The following CACNA1H variants were observed in gnomAD, a reference collection of about 807,000 sequenced individuals.
CACNA1H encodes the protein calcium voltage-gated channel subunit alpha1 H.
Under a neutral mutation model 192.5 loss-of-function variants are expected in CACNA1H, and 149 were observed. The observed-to-expected ratio is 0.77, with a 90% CI of 0.68 to 0.89. The LOEUF (loss-of-function observed/expected upper bound fraction) is 0.89. Ranked by LOEUF, CACNA1H falls within the 40% of genes least tolerant of loss-of-function variation. CACNA1H has a pLI of 0.00. For missense variants in CACNA1H, 4,257 were observed against 3,423.5 expected (o/e 1.24, Z -6.08); for synonymous variants, 2,202 against 1,475.2 (o/e 1.49, Z -11.29).
chr16:1,161,997 G>A (rs1200906311), intron 2 of CACNA1H, among the ~76,000 whole-genome samples: 1 of 152,188 alleles, frequency 6.6e-6, no homozygotes, highest in Non-Finnish European at 1.5e-5. Flanking sequence ...AAGTGGACTG[G>A]CAGAGGTGGG....
At chr16:1,178,024 C>T (rs1334195086) in intron 2 of CACNA1H, among the ~76,000 whole-genome samples, 1 of 124,244 alleles carries the variant, frequency 8.0e-6, no homozygotes, top group African/African-American at 3.4e-5. Flanking sequence ...CACTCCCTCT[C>T]CCTGGGGACC....
chr16:1,219,909 G>A lies in CACNA1H; in HGVS notation c.6049-72G>A, dbSNP rs114708863. ...CTCTCCAGTACCTGGATGGTGAGGG[G>A]TCTCCGAGCCCTGGCCACTGACAGG... On this transcript the variant is annotated intron_variant, in intron 34 of 34. Transcript: ENST00000348261. The A allele has an allele frequency of 1.9e-3, 2,194 of 1,174,350 alleles. 44 individuals are homozygous for A. The African/African-American group carries it at 0.031, about 17-fold the overall frequency. 72.7% of individuals were successfully genotyped at this position (1,174,350 alleles called of 1,614,324 possible).
At chr16:1,210,728 G>T (rs543230622) in intron 20 of CACNA1H, 59 bp from the exon 21 acceptor site, 30 of 1,558,984 alleles carry the variant, frequency 1.9e-5, no homozygotes, top group Non-Finnish European at 2.5e-5. Context: ...CCAGCAGCGC[G>T]CCAGCTCCCC....
chr16:1,201,633 C>A, intron 8 of CACNA1H, 30 bp from the exon 9 acceptor site: 1 of 1,534,822 alleles, frequency 6.5e-7, no homozygotes, highest in East Asian at 2.4e-5. Context: ...CGCTCACTCA[C>A]TGCCACTTAC....
intron 26 of CACNA1H, among the ~76,000 whole-genome samples, chr16:1,213,139 G>C (rs1466915989): frequency 6.6e-6 from 1 of 152,250 alleles, no homozygotes; most frequent in African/African-American, 2.4e-5. Context: ...AGATGGTCTG[G>C]AGTCCGGCAG....
Position 1,204,345 on chromosome 16 carries a change from G to A in CACNA1H, c.2338G>A (p.Val780Ile). 1.3e-6 allele frequency: 2 copies of A among 1,584,934 alleles called. No homozygotes were observed. The highest frequency in any genetic ancestry group is 1.7e-6 in the Non-Finnish European group (2 of 1,165,226). Residue 780 changes from valine (V) to isoleucine (I), a missense_variant, in exon 10 of 35, where the codon GTT becomes ATT. Transcript: ENST00000348261. ...GCCAGGCTGGATGGGCCGCCTCTGG[G>A]TTACCTTCAGCGGCAAGCTGCGCCG... ...GEPGWMGRLW[V>I]TFSGKLRRIV...
At chr16:1,201,432 A>G (rs1171224323) in intron 8 of CACNA1H, among the ~76,000 whole-genome samples, 1 of 152,158 alleles carries the variant, frequency 6.6e-6, no homozygotes, top group African/African-American at 2.4e-5. Flanking sequence ...GAAGCAGGAA[A>G]GAGGGTTCCA....
chr16:1,187,702 C>A (rs1966210737), intron 2 of CACNA1H, among the ~76,000 whole-genome samples: 1 of 152,196 alleles, frequency 6.6e-6, no homozygotes, highest in South Asian at 2.1e-4. Flanking sequence ...TTGGGGGCCA[C>A]TCTGACCATA....
rs114181507 is a variant in CACNA1H at position 1,203,714 on chromosome 16, C to T, written c.2003-296C>T. On this transcript the variant is annotated intron_variant, in intron 9 of 34. Coordinates refer to ENST00000348261, the MANE Select transcript of CACNA1H (RefSeq NM_021098.3). ...GCGGTTTTGCAAGTCCCCGGCTTGTCGACACGTCCCTGCGGTCTCTCTGTC... is the reference window on the plus strand; with the variant it reads ...GCGGTTTTGCAAGTCCCCGGCTTGTTGACACGTCCCTGCGGTCTCTCTGTC... Among the ~76,000 whole-genome samples the T allele has an allele frequency of 7.3e-3, 1,117 of 152,292 alleles. 9 individuals are homozygous for T. Among genetic ancestry groups the T allele is most frequent in the African/African-American group, 0.024 (1,012 of 41,562 alleles).
At position 1,202,417 on chromosome 16, in the gene CACNA1H, C is replaced by T. The variant is rs1474918637; in HGVS notation, c.1967C>T (p.Pro656Leu). ...HGPLSLNSPD[P>L]YEKIPHVVGE... is the part of the protein sequence containing the mutation. The stretch of plus-strand genomic sequence containing the variant: ...CCGTTGAGCTTGAACAGCCCTGATC[C>T]CTACGAGAAGATCCCGCATGTGGTC... Residue 656 changes from proline (P) to leucine (L), a missense_variant, in exon 9 of 35, where the codon CCC becomes CTC. Coordinates refer to ENST00000348261, the MANE Select transcript of CACNA1H (RefSeq NM_021098.3). The T allele has an allele frequency of 6.6e-7, 1 of 1,520,976 alleles. No homozygotes were observed. The highest frequency in any genetic ancestry group is 1.7e-4 in the Middle Eastern group (1 of 5,842). The allele number at this position is 1,520,976 out of a possible 1,614,324, so 94.2% of individuals were successfully genotyped here.
intron 2 of CACNA1H, among the ~76,000 whole-genome samples, chr16:1,182,757 A>G (rs1382654006): frequency 6.6e-6 from 1 of 152,208 alleles, no homozygotes; most frequent in Non-Finnish European, 1.5e-5. Flanking sequence ...GAGAGCTCGC[A>G]GCCCCCCGAC....
chr16:1,208,280 C>G, intron 16 of CACNA1H, 59 bp downstream of exon 16: 4 of 1,239,218 alleles, frequency 3.2e-6, no homozygotes, highest in Non-Finnish European at 4.6e-6. Context: ...TGCCTGGCTC[C>G]TTATGGCCTT....
At chr16:1,168,501 G>A (rs1964029251) in intron 2 of CACNA1H, among the ~76,000 whole-genome samples, 1 of 152,000 alleles carries the variant, frequency 6.6e-6, no homozygotes, top group Non-Finnish European at 1.5e-5. Flanking sequence ...CCTGCCGGGT[G>A]CCCAGGTCAC....
intron 16 of CACNA1H, among the ~76,000 whole-genome samples, chr16:1,208,688 C>T (rs1282791851): frequency 2.6e-5 from 4 of 152,154 alleles, no homozygotes; most frequent in Non-Finnish European, 5.9e-5. Flanking sequence ...GCCAGACGCC[C>T]TAGCAGGGGA....
chr16:1,203,711 T>C (rs1453128165), intron 9 of CACNA1H, among the ~76,000 whole-genome samples: 1 of 152,218 alleles, frequency 6.6e-6, no homozygotes, highest in Non-Finnish European at 1.5e-5. Context: ...GTCCCCGGCT[T>C]GTCGACACGT....
chr16:1,197,673 C>A (rs900545056), intron 5 of CACNA1H, among the ~76,000 whole-genome samples: 1 of 152,174 alleles, frequency 6.6e-6, no homozygotes, highest in African/African-American at 2.4e-5. Context: ...CTGCTCCGGT[C>A]GGCTCTTTTG....
Position 1,206,266 on chromosome 16 carries a change from C to T in CACNA1H, c.2766C>T (p.Leu922=), listed in dbSNP as rs558892363. 2.6e-6 allele frequency: 4 copies of T among 1,563,268 alleles called. No individual in the cohort carries two copies. Among genetic ancestry groups the T allele is most frequent in the East Asian group, 2.4e-5 (1 of 41,984 alleles). Residue 922 remains leucine (L), a synonymous_variant, in exon 12 of 35, where the codon CTC becomes CTT. Coordinates refer to ENST00000348261, the MANE Select transcript of CACNA1H (RefSeq NM_021098.3). The part of the protein sequence containing the change: ...MDNVATFCTL[L]MLFIFIFSIL... ...ACGTGGCTACCTTCTGCACGCTGCTCATGCTCTTCATTTTCATCTTCAGGT... is the reference window on the plus strand; with the variant it reads ...ACGTGGCTACCTTCTGCACGCTGCTTATGCTCTTCATTTTCATCTTCAGGT...
At chr16:1,218,694 G>C (rs757083065) in intron 33 of CACNA1H, 43 bp downstream of exon 33, 2 of 1,381,160 alleles carry the variant, frequency 1.4e-6, no homozygotes, top group Admixed American at 4.4e-5. Context: ...TGGGAAGCAG[G>C]ACAGGGAGGA....
At chr16:1,196,343 A>G (rs1426089327) in intron 5 of CACNA1H, among the ~76,000 whole-genome samples, 2 of 152,226 alleles carry the variant, frequency 1.3e-5, no homozygotes, top group African/African-American at 2.4e-5. Context: ...CTGGAGGCCG[A>G]GCAGATCCCT....
Sources: allele counts gnomAD v4.1 joint callset (sites outside exome capture counted in the v4.1 genomes callset), GRCh38; gene constraint gnomAD v4.1.1; transcripts MANE v1.5; gene names NCBI Gene and HGNC (gene_info 2026-07-23, HGNC 2026-07-21).